CDK10: variants seen among roughly 807,000 people sequenced by gnomAD.
CDK10 encodes the protein cyclin-dependent kinase 10.
Under a neutral mutation model 51.0 loss-of-function variants are expected in CDK10, and 55 were observed. The ratio of observed to expected loss-of-function variants is 1.08; its 90% confidence interval spans 0.87 to 1.35. CDK10 has a LOEUF of 1.35. Among genes scored for constraint, CDK10 ranks in the 40% most tolerant of loss-of-function variants. The pLI is 0.00. For missense variants in CDK10, 589 were observed against 485.1 expected (o/e 1.21, Z -2.01); for synonymous variants, 255 against 199.1 (o/e 1.28, Z -2.36).
chr16:89,687,547 T>C (rs1357158903), intron 1 of CDK10: 1 of 455,206 alleles, frequency 2.2e-6, no homozygotes, highest in Non-Finnish European at 4.4e-6. Context: ...TGGGGTGAAG[T>C]AGTGAGTTGG....
At chr16:89,693,552 A>G in intron 8 of CDK10, 85 bp downstream of exon 8, 4 of 1,375,802 alleles carry the variant, frequency 2.9e-6, no homozygotes, top group East Asian at 2.3e-5. Context: ...CGAAGCTGCA[A>G]CTGGCCTTGG....
In CDK10 at chr16:89,695,704, G is replaced by A; in HGVS notation, c.*12G>A. 6.3e-7 allele frequency: 1 copy of A among 1,590,900 alleles called. No individual in the cohort carries two copies. The highest frequency in any genetic ancestry group is 2.3e-5 in the East Asian group (1 of 43,930). ...GCTGTAAACCCTGACGGTGGGCCTG[G>A]CACACGCCTGTATTCCCACACCAGG... On this transcript the variant is annotated 3_prime_UTR_variant, in exon 13 of 13. Transcript: ENST00000353379.
intron 6 of CDK10, 111 bp from the exon 7 acceptor site, chr16:89,693,163 A>T (rs2060532094): frequency 1.1e-6 from 1 of 919,290 alleles, no homozygotes; most frequent in African/African-American, 1.7e-5. Flanking sequence ...AGATACTAAA[A>T]AGCCCAAAGC....
chr16:89,687,266 C>T (rs997007328), intron 1 of CDK10: 2 of 332,736 alleles, frequency 6.0e-6, no homozygotes, highest in Non-Finnish European at 1.2e-5. Context: ...GCGTCCCTTG[C>T]GGAGGTGCCG....
At chr16:89,686,962 G>A (rs2060217279) in intron 1 of CDK10, 165 bp downstream of exon 1, 10 of 585,768 alleles carry the variant, frequency 1.7e-5, no homozygotes, top group Non-Finnish European at 2.6e-5. Flanking sequence ...GGCGGGGCGG[G>A]CTCAGGACCC....
intron 1 of CDK10, among the ~76,000 whole-genome samples, chr16:89,688,150 C>A (rs1199323982): frequency 6.9e-6 from 1 of 145,152 alleles, no homozygotes; most frequent in Non-Finnish European, 1.5e-5. Context: ...GGCGCAGTCT[C>A]GGCTCACTGC....
In CDK10 at chr16:89,691,437, C is replaced by G; in HGVS notation, c.233-6C>G. 1 of 1,598,576 alleles carries G rather than the reference C, an allele frequency of 6.3e-7. No homozygotes were observed. Among genetic ancestry groups the G allele is most frequent in the Non-Finnish European group, 8.5e-7 (1 of 1,170,956 alleles). On this transcript the variant is annotated splice_polypyrimidine_tract_variant and splice_region_variant and intron_variant, in intron 3 of 12. Coordinates refer to ENST00000353379, the MANE Select transcript of CDK10 (RefSeq NM_052988.5). Reference sequence around the variant, plus strand: ...TGGGGCTCGCTGAGGCCACCTCCCTCCCCAGGCATCCCCATCAGCAGCTTG... The same window carrying G: ...TGGGGCTCGCTGAGGCCACCTCCCTGCCCAGGCATCCCCATCAGCAGCTTG...
chr16:89,695,082 TG>T lies in CDK10; in HGVS notation c.932+13del. 6.2e-7 allele frequency: 1 copy of T among 1,609,288 alleles called. No homozygotes were observed. The highest frequency in any genetic ancestry group is 8.5e-7 in the Non-Finnish European group (1 of 1,178,022). ...GACCCTAAGAAAAGGTGCTGATCTC[TG>T]CACGGGGGGCAGGGACCCTCACCAC... On this transcript the variant is annotated intron_variant, in intron 11 of 12. Coordinates refer to ENST00000353379, the MANE Select transcript of CDK10 (RefSeq NM_052988.5).
At chr16:89,694,120 C>T in intron 8 of CDK10, 53 bp from the exon 9 acceptor site, 1 of 1,583,438 alleles carries the variant, frequency 6.3e-7, no homozygotes, top group South Asian at 1.1e-5. Flanking sequence ...CTGTGGAGGC[C>T]TGGGCTGGGG....
chr16:89,691,902 G>A lies in CDK10; in HGVS notation c.417+15G>A. The A allele has an allele frequency of 6.2e-7, 1 of 1,610,990 alleles. No homozygotes were observed. ...CGGAGGCTCAGGTGCGTGGCAGAGG[G>A]GCCTGGGGTGGGGGAATGGGCTTCA... On this transcript the variant is annotated intron_variant, in intron 5 of 12. Transcript: ENST00000353379.
Position 89,694,945 on chromosome 16 carries a change from G to C in CDK10, c.807G>C (p.Leu269=), listed in dbSNP as rs751880892. Residue 269 remains leucine (L), a synonymous_variant, in exon 11 of 13, where the codon CTG becomes CTC. Transcript: ENST00000353379. ...GCCTCCCATAGGGCTTTTCCAAGCT[G>C]CCACTGGTCGGCCAGTACAGCCTCC... is the stretch of plus-strand genomic sequence containing the variant. ...SENIWPGFSK[L]PLVGQYSLRK... is the part of the protein sequence containing the mutation. The C allele has an allele frequency of 6.2e-6, 10 of 1,612,932 alleles. No homozygotes were observed. The highest frequency in any genetic ancestry group is 5.0e-5 in the Admixed American group (3 of 59,990).
intron 1 of CDK10, chr16:89,687,373 C>A: frequency 2.3e-6 from 1 of 432,344 alleles, no homozygotes; most frequent in Non-Finnish European, 4.8e-6. Context: ...TGAACTTTGG[C>A]CGCTGGTTTG....
In CDK10 at chr16:89,695,337, A is replaced by G. The variant is rs2060669629; in HGVS notation, c.977A>G (p.Lys326Arg). The change falls in exon 12 of 13, where the codon AAG becomes AGG. Residue 326 changes from lysine (K) to arginine (R), a missense_variant. Physicochemically the swap from Lys to Arg is conservative, Grantham distance 26 (BLOSUM62 2). Coordinates refer to ENST00000353379, the MANE Select transcript of CDK10 (RefSeq NM_052988.5). ...CTGGAGAGCTCCTATTTCAAGGAGA[A>G]GCCCCTACGTGAGTGTGCAGGGTTC... ...DCLESSYFKE[K>R]PLPCEPELMP... is the part of the protein sequence containing the mutation. 3 of 1,612,448 alleles carry G rather than the reference A, an allele frequency of 1.9e-6. No individual in the cohort carries two copies. Among genetic ancestry groups the G allele is most frequent in the East Asian group, 4.5e-5 (2 of 44,844 alleles).
intron 1 of CDK10, chr16:89,687,508 C>T (rs528181148): frequency 2.2e-6 from 1 of 456,206 alleles, no homozygotes; most frequent in African/African-American, 2.0e-5. Context: ...AGCAGGCGCT[C>T]ACCGCGTTGA....
chr16:89,690,842 G>T (rs2060413568), intron 3 of CDK10, among the ~76,000 whole-genome samples: 2 of 152,060 alleles, frequency 1.3e-5, no homozygotes, highest in African/African-American at 2.4e-5. Flanking sequence ...TCCCCCTCCT[G>T]TCTGGTGAGG....
chr16:89,693,595 G>C lies in CDK10; in HGVS notation c.608+128G>C, dbSNP rs560449822. 195 of 902,266 alleles carry C rather than the reference G, an allele frequency of 2.2e-4. No individual in the cohort carries two copies. The African/African-American group carries it at 3.0e-3, about 14-fold the overall frequency. The allele number at this position is 902,266 out of a possible 1,614,324, so 55.9% of individuals were successfully genotyped here. A position where few individuals can be genotyped will look rare whatever the true frequency, so the allele number is the denominator to read the frequency against. On this transcript the variant is annotated intron_variant, in intron 8 of 12. Transcript: ENST00000353379. ...AAGCTACAGGGTCTGTGCACACTCA[G>C]AAACGTTGGGTCTAGGACAGCCTCC...
intron 1 of CDK10, among the ~76,000 whole-genome samples, chr16:89,688,779 C>A (rs569357219): frequency 6.6e-6 from 1 of 152,162 alleles, no homozygotes; most frequent in African/African-American, 2.4e-5. Context: ...AGCATTGGCC[C>A]AGTATCGTCA....
chr16:89,688,036 G>A (rs12924138), intron 1 of CDK10, among the ~76,000 whole-genome samples: 1 of 148,408 alleles, frequency 6.7e-6, no homozygotes, highest in Non-Finnish European at 1.5e-5. Context: ...AAGGGAAGCC[G>A]GGAAATGGGG....
chr16:89,686,881 G>T, intron 1 of CDK10, 84 bp downstream of exon 1: 1 of 1,193,110 alleles, frequency 8.4e-7, no homozygotes, highest in African/African-American at 1.6e-5. Flanking sequence ...GTGTCGCGCT[G>T]CCGCGCCGAG....
Sources: gnomAD v4.1 joint callset for allele counts (sites outside exome capture counted in the v4.1 genomes callset) on GRCh38, gnomAD v4.1.1 for gene constraint, MANE v1.5 for transcripts, NCBI Gene and HGNC (gene_info 2026-07-23, HGNC 2026-07-21) for gene names.